Variants in IMMP2L observed in about 807,000 individuals in gnomAD.
IMMP2L encodes mitochondrial inner membrane protease subunit 2.
A neutral mutation model predicts 19.3 loss-of-function variants in IMMP2L; 18 were observed. The observed-to-expected ratio is 0.93, with a 90% confidence interval of 0.64 to 1.38. The LOEUF (loss-of-function observed/expected upper bound fraction) is 1.38. Ranked by LOEUF, IMMP2L falls within the 40% of genes most tolerant of loss-of-function variation. The probability of loss-of-function intolerance (pLI) is 0.00; values close to 1 mark genes in which losing one functional copy is unlikely to be tolerated. For synonymous variants in IMMP2L, 76 were observed against 73.0 expected (o/e 1.04, Z -0.21); for missense variants, 233 against 218.2 (o/e 1.07, Z -0.43).
At position 111,090,626 on chromosome 7, in the gene IMMP2L, A is replaced by T. The variant is rs1292452418; in HGVS notation, c.240-127061T>A. Among the ~76,000 whole-genome samples, 11 of 152,080 alleles carry T rather than the reference A, an allele frequency of 7.2e-5. No homozygotes were observed. The South Asian group carries it at 2.3e-3, about 32-fold the overall frequency. On this transcript the variant is annotated intron_variant, in intron 3 of 5. Coordinates refer to ENST00000405709, the MANE Select transcript of IMMP2L (RefSeq NM_032549.4). ...GTCATTGCTAAAAAAAAAAAAAAAA[A>T]AGTGTTATTGAACACCAAGCACATA...
chr7:111,326,870 C>T (rs1193790792), intron 3 of IMMP2L, among the ~76,000 whole-genome samples: 1 of 151,774 alleles, frequency 6.6e-6, no homozygotes, highest in Non-Finnish European at 1.5e-5. Context: ...TTTGGTATTT[C>T]AAAATAACTG....
intron 5 of IMMP2L, among the ~76,000 whole-genome samples, chr7:110,817,174 C>A (rs973441398): frequency 1.3e-5 from 2 of 152,090 alleles, no homozygotes; most frequent in African/African-American, 4.8e-5. Context: ...GTCTAATTGT[C>A]CCTGTTTGCA....
At chr7:111,074,163 T>C (rs1795188795) in intron 3 of IMMP2L, among the ~76,000 whole-genome samples, 1 of 152,170 alleles carries the variant, frequency 6.6e-6, no homozygotes, top group Non-Finnish European at 1.5e-5. Flanking sequence ...TACAAATAAA[T>C]AAGGTCCAGA....
chr7:111,450,534 C>T (rs1326667928), intron 3 of IMMP2L, among the ~76,000 whole-genome samples: 1 of 150,510 alleles, frequency 6.6e-6, no homozygotes, highest in African/African-American at 2.5e-5. Context: ...GGATCCCTTC[C>T]TTACACCTTA....
chr7:111,380,221 G>C (rs943162773), intron 3 of IMMP2L, among the ~76,000 whole-genome samples: 5 of 151,902 alleles, frequency 3.3e-5, no homozygotes, highest in African/African-American at 9.7e-5. Flanking sequence ...GCCCCGCCAT[G>C]AGAGTTTTTA....
At chr7:111,490,283 T>A (rs1305509389) in intron 2 of IMMP2L, among the ~76,000 whole-genome samples, 1 of 149,942 alleles carries the variant, frequency 6.7e-6, no homozygotes, top group South Asian at 2.1e-4. Context: ...GTTTTTTTTT[T>A]CCTTTTTTTT....
intron 3 of IMMP2L, among the ~76,000 whole-genome samples, chr7:111,322,899 C>T (rs113382607): frequency 1.3e-5 from 2 of 151,502 alleles, no homozygotes; most frequent in African/African-American, 4.8e-5. Flanking sequence ...CGTCTCCCAG[C>T]TTTGTTCATA....
intron 3 of IMMP2L, among the ~76,000 whole-genome samples, chr7:111,160,404 A>G (rs928646776): frequency 2.6e-5 from 4 of 152,056 alleles, no homozygotes; most frequent in Non-Finnish European, 5.9e-5. Context: ...TATAGATCAC[A>G]TATGCAGTTT....
chr7:110,907,882 T>C (rs1358091802), intron 4 of IMMP2L, among the ~76,000 whole-genome samples: 1 of 152,174 alleles, frequency 6.6e-6, no homozygotes, highest in Non-Finnish European at 1.5e-5. Flanking sequence ...TCAGAAGTTA[T>C]TGGTGCTGAG....
rs758775826 is a variant in IMMP2L, at chr7:110,886,632, A to G, written c.369T>C (p.Asp123=). The part of the protein sequence containing the change: ...VPRGHIWVEG[D]HHGHSFDSNS... ...TACTGTCAAAACTGTGTCCATGATGATCACCTTCAACCCAGATGTGACCAC... is the reference window on the plus strand; with the variant it reads ...TACTGTCAAAACTGTGTCCATGATGGTCACCTTCAACCCAGATGTGACCAC... Residue 123 remains aspartate (D), a synonymous_variant, in exon 5 of 6, where the codon GAT becomes GAC. Transcript: ENST00000405709. The G allele has an allele frequency of 1.9e-6, 3 of 1,609,520 alleles. No homozygotes were observed. The highest frequency in any genetic ancestry group is 2.6e-6 in the Non-Finnish European group (3 of 1,176,060).
At chr7:110,820,011 C>G (rs1281876872) in intron 5 of IMMP2L, among the ~76,000 whole-genome samples, 2 of 151,906 alleles carry the variant, frequency 1.3e-5, no homozygotes, top group Non-Finnish European at 2.9e-5. Flanking sequence ...TCTAGCAACT[C>G]TTTATTTCTG....
chr7:111,440,413 G>A (rs1563193554), intron 3 of IMMP2L, among the ~76,000 whole-genome samples: 1 of 151,888 alleles, frequency 6.6e-6, no homozygotes, highest in Non-Finnish European at 1.5e-5. Context: ...GGAAAACACT[G>A]ATCGCCTTGT....
At chr7:110,902,489 T>C (rs1184837677) in intron 4 of IMMP2L, among the ~76,000 whole-genome samples, 2 of 148,650 alleles carry the variant, frequency 1.3e-5, no homozygotes, top group Non-Finnish European at 3.0e-5. Context: ...AATATATATA[T>C]ATATATATAT....
chr7:111,052,298 T>A (rs1241939722), intron 3 of IMMP2L, among the ~76,000 whole-genome samples: 2 of 152,210 alleles, frequency 1.3e-5, no homozygotes, highest in African/African-American at 2.4e-5. Context: ...TAAGGTCTGA[T>A]AAGAGACATT....
At chr7:110,807,655 C>T (rs1272953642) in intron 5 of IMMP2L, among the ~76,000 whole-genome samples, 1 of 151,958 alleles carries the variant, frequency 6.6e-6, no homozygotes, top group East Asian at 1.9e-4. Flanking sequence ...TGTGTACAAA[C>T]AGGTTGGAAG....
At chr7:111,211,890 C>T (rs1366059058) in intron 3 of IMMP2L, among the ~76,000 whole-genome samples, 3 of 151,954 alleles carry the variant, frequency 2.0e-5, no homozygotes, top group East Asian at 1.9e-4. Flanking sequence ...CCAGCTACTC[C>T]GGAGGCTGAG....
intron 3 of IMMP2L, among the ~76,000 whole-genome samples, chr7:110,993,619 C>A (rs890562950): frequency 3.3e-5 from 5 of 151,778 alleles, no homozygotes; most frequent in African/African-American, 1.2e-4. Context: ...GACCTCAAAC[C>A]TCTATTATTT....
intron 5 of IMMP2L, among the ~76,000 whole-genome samples, chr7:110,771,139 G>A (rs562701555): frequency 7.9e-5 from 12 of 152,218 alleles, no homozygotes; most frequent in African/African-American, 2.9e-4. Flanking sequence ...TTCAAAGAAG[G>A]GGTTGCTGTT....
intron 4 of IMMP2L, among the ~76,000 whole-genome samples, chr7:110,908,251 T>C (rs1453169847): frequency 6.6e-6 from 1 of 152,116 alleles, no homozygotes; most frequent in Non-Finnish European, 1.5e-5. Flanking sequence ...ATCAAACTTC[T>C]CTCTCTCCTT....
Sources: allele counts gnomAD v4.1 joint callset (sites outside exome capture counted in the v4.1 genomes callset), GRCh38; gene constraint gnomAD v4.1.1; transcripts MANE v1.5; gene names NCBI Gene and HGNC (gene_info 2026-07-23, HGNC 2026-07-21).